DDAH1: variants seen among roughly 807,000 people sequenced by gnomAD.
DDAH1 encodes dimethylarginine dimethylaminohydrolase 1, also known as N(G),N(G)-dimethylarginine dimethylaminohydrolase 1.
In DDAH1, 19 loss-of-function variants were observed where a neutral mutation model predicts 28.8. The observed-to-expected ratio is 0.66, with a 90% CI of 0.46 to 0.97. The LOEUF (loss-of-function observed/expected upper bound fraction) is 0.97, where lower values mean the gene tolerates loss of function less well. Among genes scored for constraint, DDAH1 ranks in the 50% least tolerant of loss-of-function variants. The probability of loss-of-function intolerance (pLI) is 0.00; values close to 1 mark genes in which losing one functional copy is unlikely to be tolerated. For missense variants in DDAH1, 326 were observed against 375.9 expected, an observed-to-expected ratio of 0.87 and a Z score of 1.10; for synonymous variants, 153 against 154.4, an observed-to-expected ratio of 0.99 and a Z score of 0.07.
intron 1 of DDAH1, among the ~76,000 whole-genome samples, chr1:85,462,881 T>C (rs4949905): frequency 0.082 from 12,529 of 152,328 alleles, 707 homozygotes; most frequent in South Asian, 0.2. Context: ...AGTGTATAGC[T>C]GACTTCTTAT....
chr1:85,511,881 C>G (rs1428361359), intron 1 of DDAH1, among the ~76,000 whole-genome samples: 1 of 152,100 alleles, frequency 6.6e-6, no homozygotes, highest in Non-Finnish European at 1.5e-5. Context: ...AAAAAAAGTC[C>G]AGGACCAGAT....
chr1:85,380,916 G>A (rs1359197484), intron 1 of DDAH1, among the ~76,000 whole-genome samples: 1 of 152,108 alleles, frequency 6.6e-6, no homozygotes, highest in African/African-American at 2.4e-5. Context: ...GGCACTCTGG[G>A]TTTCAGAGAA....
intron 1 of DDAH1, among the ~76,000 whole-genome samples, chr1:85,397,186 G>T (rs554585131): frequency 4.6e-5 from 7 of 152,228 alleles, no homozygotes; most frequent in African/African-American, 1.4e-4. Flanking sequence ...GGTTTTCAAT[G>T]ATGGCTATTT....
chr1:85,492,748 G>A (rs1355988878), intron 2 of DDAH1, among the ~76,000 whole-genome samples: 3 of 152,048 alleles, frequency 2.0e-5, no homozygotes, highest in Admixed American at 1.3e-4. Flanking sequence ...TAAGTTTAAC[G>A]GAAAGAAATG....
At chr1:85,409,517 T>C (rs926247718) in intron 1 of DDAH1, among the ~76,000 whole-genome samples, 2 of 152,198 alleles carry the variant, frequency 1.3e-5, no homozygotes, top group African/African-American at 4.8e-5. Flanking sequence ...AACTTCCTAC[T>C]GGTCTGTGGA....
intron 1 of DDAH1, among the ~76,000 whole-genome samples, chr1:85,547,624 C>T (rs944660336): frequency 6.6e-6 from 1 of 152,150 alleles, no homozygotes; most frequent in Admixed American, 6.5e-5. Context: ...ATAAGTTCCT[C>T]GAAGTGACAA....
intron 1 of DDAH1, among the ~76,000 whole-genome samples, chr1:85,391,222 C>T (rs1032712231): frequency 3.9e-5 from 6 of 152,148 alleles, no homozygotes; most frequent in African/African-American, 1.4e-4. Context: ...GAAGTAATCC[C>T]TGAGTGACTT....
chr1:85,559,705 T>C (rs957100491), intron 1 of DDAH1, among the ~76,000 whole-genome samples: 2 of 151,642 alleles, frequency 1.3e-5, no homozygotes, highest in Non-Finnish European at 2.9e-5. Flanking sequence ...TTTCACTGGA[T>C]GAGTGTAGAA....
chr1:85,488,952 G>A (rs1307421678), intron 2 of DDAH1, among the ~76,000 whole-genome samples: 2 of 152,158 alleles, frequency 1.3e-5, no homozygotes, highest in African/African-American at 4.8e-5. Flanking sequence ...TGAAGATGGT[G>A]ACTGCATTTG....
chr1:85,518,159 T>C (rs1273078103), intron 1 of DDAH1, among the ~76,000 whole-genome samples: 4 of 152,242 alleles, frequency 2.6e-5, no homozygotes, highest in African/African-American at 7.2e-5. Context: ...GCTATATATA[T>C]GCACCCTGGA....
chr1:85,427,766 C>T (rs1653480088), intron 1 of DDAH1, among the ~76,000 whole-genome samples: 2 of 152,124 alleles, frequency 1.3e-5, no homozygotes, highest in South Asian at 4.2e-4. Flanking sequence ...ATTAGGAGCC[C>T]CTGATATTTG....
At chr1:85,566,911 G>C (rs1008854546) in intron 1 of DDAH1, among the ~76,000 whole-genome samples, 1 of 152,166 alleles carries the variant, frequency 6.6e-6, no homozygotes, top group African/African-American at 2.4e-5. Context: ...GAGACCTAGG[G>C]GAGCTGATGG....
intron 1 of DDAH1, among the ~76,000 whole-genome samples, chr1:85,432,792 A>C (rs1028475433): frequency 6.6e-6 from 1 of 152,208 alleles, no homozygotes; most frequent in Non-Finnish European, 1.5e-5. Flanking sequence ...CTAAAAATCA[A>C]CAGGAACTTT....
At position 85,347,024 on chromosome 1, in the gene DDAH1, A is replaced by G. The variant is rs561686642; in HGVS notation, c.597+3391T>C. Among the ~76,000 whole-genome samples the G allele has an allele frequency of 2.6e-5, 4 of 152,262 alleles. No individual in the cohort carries two copies. The South Asian group carries it at 8.3e-4, about 32-fold the overall frequency. Reference sequence around the variant, plus strand: ...ACAGACACATGAAAAAATGCTCATCATCACTGGCCATCAGAGAAATGCAAA... The same window carrying G: ...ACAGACACATGAAAAAATGCTCATCGTCACTGGCCATCAGAGAAATGCAAA... On this transcript the variant is annotated intron_variant, in intron 4 of 5. Transcript: ENST00000284031.
intron 4 of DDAH1, among the ~76,000 whole-genome samples, chr1:85,347,007 A>G (rs879124053): frequency 6.6e-6 from 1 of 152,196 alleles, no homozygotes; most frequent in Non-Finnish European, 1.5e-5. Flanking sequence ...CAACAGACAC[A>G]TGAAAAAATG....
At chr1:85,485,435 T>C (rs1239052406) in intron 2 of DDAH1, among the ~76,000 whole-genome samples, 2 of 152,072 alleles carry the variant, frequency 1.3e-5, no homozygotes, top group Non-Finnish European at 2.9e-5. Context: ...AATCCAGAAA[T>C]TTTGCAGATT....
chr1:85,359,013 A>G (rs545685516), intron 1 of DDAH1, among the ~76,000 whole-genome samples, 166 bp from the exon 2 acceptor site: 1 of 152,334 alleles, frequency 6.6e-6, no homozygotes, highest in South Asian at 2.1e-4. Flanking sequence ...ACCAGTCATG[A>G]TCATTTGTAA....
At chr1:85,358,112 C>T (rs2300640) in intron 2 of DDAH1, among the ~76,000 whole-genome samples, 5 of 152,038 alleles carry the variant, frequency 3.3e-5, no homozygotes, top group Middle Eastern at 3.4e-3. Context: ...CAATGGAAAA[C>T]GATGCAACTT....
chr1:85,426,807 G>C (rs1172076038), intron 1 of DDAH1, among the ~76,000 whole-genome samples: 9 of 150,984 alleles, frequency 6.0e-5, no homozygotes, highest in Admixed American at 5.3e-4. Flanking sequence ...AGCTACTTGG[G>C]AGGCTGAGGC....
Sources: allele counts gnomAD v4.1 joint callset (sites outside exome capture counted in the v4.1 genomes callset), GRCh38; gene constraint gnomAD v4.1.1; transcripts MANE v1.5; gene names NCBI Gene and HGNC (gene_info 2026-07-23, HGNC 2026-07-21).